The following UBE2K variants were observed in gnomAD, a reference collection of about 807,000 sequenced individuals.
The protein encoded by UBE2K is ubiquitin-conjugating enzyme E2 K.
A neutral mutation model predicts 30.0 loss-of-function variants in UBE2K; 6 were observed. The observed-to-expected ratio is 0.20, with a 90% confidence interval of 0.11 to 0.39. The LOEUF (loss-of-function observed/expected upper bound fraction) is 0.39. UBE2K is among the 10% of genes least tolerant of loss of function. UBE2K has a pLI of 1.00. For missense variants in UBE2K, 61 were observed against 241.6 expected (o/e 0.25, Z 4.96); for synonymous variants, 86 against 83.7 (o/e 1.03, Z -0.15).
At chr4:39,762,494 G>A (rs1712020065) in intron 4 of UBE2K, among the ~76,000 whole-genome samples, 1 of 152,210 alleles carries the variant, frequency 6.6e-6, no homozygotes, top group Admixed American at 6.5e-5. Flanking sequence ...TGTATAGGAA[G>A]TGTGGTGCCA....
rs961098662 is a variant in UBE2K, at chr4:39,779,455, T to G, written c.*1021T>G. On this transcript the variant is annotated 3_prime_UTR_variant, in exon 7 of 7. Coordinates refer to ENST00000261427, the MANE Select transcript of UBE2K (RefSeq NM_005339.5). ...ATTGGATACTTCAAGTCATTCTTGC[T>G]TGCACTTCCCCTATTGACACATGAA... The G allele has an allele frequency of 3.3e-5, 5 of 152,620 alleles. No homozygotes were observed. Among genetic ancestry groups the G allele is most frequent in the African/African-American group, 1.2e-4 (5 of 41,452 alleles). The allele number at this position is 152,620 out of a possible 1,614,324, so 9.5% of individuals were successfully genotyped here.
chr4:39,712,653 CT>C (rs1718774398), intron 1 of UBE2K, among the ~76,000 whole-genome samples: 1 of 151,984 alleles, frequency 6.6e-6, no homozygotes, highest in African/African-American at 2.4e-5. Context: ...AACTCTTGAC[CT>C]TGTGATTCGC....
At position 39,779,366 on chromosome 4, in the gene UBE2K, G is replaced by A. The variant is rs1287426089; in HGVS notation, c.*932G>A. On this transcript the variant is annotated 3_prime_UTR_variant, in exon 7 of 7. Coordinates refer to ENST00000261427, the MANE Select transcript of UBE2K (RefSeq NM_005339.5). ...GTGATGAAATTTTTCTTTGAGAACT[G>A]GCAAGGATGCAGTCAGCTGTTTGCA... 1 of 152,424 alleles carries A rather than the reference G, an allele frequency of 6.6e-6. No homozygotes were observed. Among genetic ancestry groups the A allele is most frequent in the Non-Finnish European group, 1.5e-5 (1 of 68,026 alleles). The allele number at this position is 152,424 out of a possible 1,614,324, so 9.4% of individuals were successfully genotyped here. A position where few individuals can be genotyped will look rare whatever the true frequency, so the allele number is the denominator to read the frequency against.
chr4:39,715,496 T>C (rs373791528), intron 1 of UBE2K, among the ~76,000 whole-genome samples: 1 of 151,222 alleles, frequency 6.6e-6, no homozygotes, highest in African/African-American at 2.4e-5. Flanking sequence ...TTAGTAGAGA[T>C]AGGGTTTTTC....
chr4:39,707,268 G>A lies in UBE2K; in HGVS notation c.63+8878G>A, dbSNP rs556656625. 1.6e-3 allele frequency among the ~76,000 whole-genome samples: 245 copies of A among 151,734 alleles called. 1 individual carries two copies. Among genetic ancestry groups the A allele is most frequent in the Middle Eastern group, 3.4e-3 (1 of 292 alleles). On this transcript the variant is annotated intron_variant, in intron 1 of 6. Transcript: ENST00000261427. ...CACTCTCTCACCCAGGCTGGAGTGC[G>A]GTGACATGATCTTGGCTCACTGCAG...
chr4:39,727,851 G>C (rs560553806), intron 1 of UBE2K, among the ~76,000 whole-genome samples: 1 of 152,172 alleles, frequency 6.6e-6, no homozygotes, highest in Non-Finnish European at 1.5e-5. Context: ...TTAGAAGTGA[G>C]CCGGGTGCAG....
chr4:39,730,055 A>C (rs138234370), intron 1 of UBE2K, among the ~76,000 whole-genome samples: 70 of 152,384 alleles, frequency 4.6e-4, no homozygotes, highest in African/African-American at 1.6e-3. Flanking sequence ...CTAGTTGATC[A>C]TTATACTACC....
chr4:39,775,019 T>C, intron 5 of UBE2K, 86 bp downstream of exon 5: 1 of 709,400 alleles, frequency 1.4e-6, no homozygotes, highest in Non-Finnish European at 2.1e-6. Context: ...CACATGAGCA[T>C]ACTCTATTGA....
At chr4:39,749,214 CAG>C (rs1232559672) in intron 3 of UBE2K, among the ~76,000 whole-genome samples, 2 of 152,116 alleles carry the variant, frequency 1.3e-5, no homozygotes, top group African/African-American at 2.4e-5. Flanking sequence ...ACTTCTAAAA[CAG>C]AGAAAATATA....
intron 2 of UBE2K, among the ~76,000 whole-genome samples, chr4:39,744,920 A>G (rs1211684292): frequency 6.7e-6 from 1 of 150,272 alleles, no homozygotes; most frequent in Non-Finnish European, 1.5e-5. Context: ...AAAAAAAAAA[A>G]TAAATTAAAT....
chr4:39,770,662 C>T, intron 4 of UBE2K: 3 of 1,584,584 alleles, frequency 1.9e-6, no homozygotes, highest in African/African-American at 1.3e-5. Context: ...TTCACCACAC[C>T]CTGCGGTGGG....
At chr4:39,744,931 AAAAT>A (rs1159618497) in intron 2 of UBE2K, among the ~76,000 whole-genome samples, 40 of 150,624 alleles carry the variant, frequency 2.7e-4, no homozygotes, top group South Asian at 1.2e-3. Flanking sequence ...TAAATTAAAT[AAAAT>A]AAATAAATAA....
chr4:39,770,214 C>T, intron 4 of UBE2K: 1 of 1,611,170 alleles, frequency 6.2e-7, no homozygotes, highest in Non-Finnish European at 8.5e-7. Flanking sequence ...GTAGGAGCAG[C>T]GGTAGGGCTG....
At chr4:39,699,972 T>A (rs1214675035) in intron 1 of UBE2K, among the ~76,000 whole-genome samples, 2 of 152,156 alleles carry the variant, frequency 1.3e-5, no homozygotes, top group African/African-American at 2.4e-5. Flanking sequence ...ACTTATTTAA[T>A]ATGAAAATGT....
At chr4:39,771,997 T>C (rs1241885819) in intron 4 of UBE2K, among the ~76,000 whole-genome samples, 1 of 152,106 alleles carries the variant, frequency 6.6e-6, no homozygotes, top group Non-Finnish European at 1.5e-5. Flanking sequence ...TGCCACCACA[T>C]CTGGCTAATT....
intron 3 of UBE2K, among the ~76,000 whole-genome samples, chr4:39,752,754 G>A (rs143496327): frequency 9.3e-4 from 142 of 152,200 alleles, no homozygotes; most frequent in South Asian, 5.6e-3. Context: ...TCAAAAATCC[G>A]AGATTTGAAA....
chr4:39,735,450 G>A (rs1321622401), intron 1 of UBE2K, among the ~76,000 whole-genome samples: 1 of 152,106 alleles, frequency 6.6e-6, no homozygotes, highest in Non-Finnish European at 1.5e-5. Context: ...GCGTGATCTC[G>A]GCTCACTGCA....
At chr4:39,729,797 A>G (rs772615286) in intron 1 of UBE2K, among the ~76,000 whole-genome samples, 5 of 152,308 alleles carry the variant, frequency 3.3e-5, no homozygotes, top group South Asian at 2.1e-4. Context: ...CGGCATTTCA[A>G]TTCCTAAACC....
chr4:39,770,623 C>A, intron 4 of UBE2K: 1 of 1,597,832 alleles, frequency 6.3e-7, no homozygotes, highest in Non-Finnish European at 8.5e-7. Context: ...CTCTCCCCTT[C>A]TGCGTTCTCC....
Sources: gnomAD v4.1 joint callset for allele counts (sites outside exome capture counted in the v4.1 genomes callset) on GRCh38, gnomAD v4.1.1 for gene constraint, MANE v1.5 for transcripts, NCBI Gene and HGNC (gene_info 2026-07-23, HGNC 2026-07-21) for gene names.